Variants in SFMBT2 observed in about 807,000 individuals in gnomAD.
SFMBT2 encodes scm-like with four MBT domains protein 2.
A neutral mutation model predicts 110.1 loss-of-function variants in SFMBT2; 38 were observed. That is an observed-to-expected ratio of 0.35 (90% CI 0.27 to 0.45). The LOEUF (loss-of-function observed/expected upper bound fraction) is 0.45. Ranked by LOEUF, SFMBT2 falls within the 20% of genes least tolerant of loss-of-function variation. SFMBT2 has a pLI of 1.00. For missense variants in SFMBT2, 1,011 were observed against 1,094.9 expected (o/e 0.92, Z 1.08); for synonymous variants, 425 against 425.4 (o/e 1.00, Z 0.01).
chr10:7,170,446 G>A lies in SFMBT2; in HGVS notation c.2544+482C>T, dbSNP rs924664838. Among the ~76,000 whole-genome samples the A allele has an allele frequency of 6.6e-6, 1 of 152,192 alleles. No individual in the cohort carries two copies. The highest frequency in any genetic ancestry group is 2.4e-5 in the African/African-American group (1 of 41,450). ...CCCCACTGAGAGCAGCCAAGGCAGA[G>A]TGTGCTATCCTGACTTCCGGCCTGG... On this transcript the variant is annotated intron_variant, in intron 20 of 20. Coordinates refer to ENST00000397167, the MANE Select transcript of SFMBT2 (RefSeq NM_001387889.1). The surrounding 1 kb of genome is among the most constrained non-coding windows in gnomAD (Gnocchi z 4.6).
chr10:7,375,021 A>G (rs1845162440), intron 2 of SFMBT2, among the ~76,000 whole-genome samples: 2 of 152,230 alleles, frequency 1.3e-5, no homozygotes, highest in Non-Finnish European at 1.5e-5. Context: ...TATCAAGGAA[A>G]TTCTGACAAT....
At position 7,379,414 on chromosome 10, in the gene SFMBT2, C is replaced by T. The variant is rs566727414; in HGVS notation, c.100+2385G>A. On this transcript the variant is annotated intron_variant, in intron 2 of 20. Coordinates refer to ENST00000397167, the MANE Select transcript of SFMBT2 (RefSeq NM_001387889.1). ...AATCATACTTAATAGTTTGAATGCT[C>T]AAAACTAGATTTTAGTAAAAAAAAA... 3.0e-5 allele frequency among the ~76,000 whole-genome samples: 4 copies of T among 134,804 alleles called. No individual in the cohort carries two copies. In the East Asian group the frequency reaches 7.2e-4, roughly 24 times the overall value. 88.4% of individuals were successfully genotyped at this position (134,804 alleles called of 152,430 possible).
intron 7 of SFMBT2, among the ~76,000 whole-genome samples, chr10:7,261,081 A>T (rs1239616351): frequency 6.6e-6 from 1 of 152,110 alleles, no homozygotes; most frequent in East Asian, 1.9e-4. Context: ...TCCTGAACTT[A>T]ACCAGTAAGA....
chr10:7,180,582 C>T (rs1838216040), intron 16 of SFMBT2, among the ~76,000 whole-genome samples: 1 of 152,274 alleles, frequency 6.6e-6, no homozygotes, highest in South Asian at 2.1e-4. Context: ...AGAGCTGCTG[C>T]GGGTGCCTGC....
intron 7 of SFMBT2, among the ~76,000 whole-genome samples, chr10:7,265,904 C>T (rs895098832): frequency 6.6e-5 from 10 of 152,180 alleles, no homozygotes; most frequent in East Asian, 3.9e-4. Flanking sequence ...ACTTGGCTCT[C>T]GCAGAGCCTG....
intron 4 of SFMBT2, among the ~76,000 whole-genome samples, chr10:7,337,360 C>T (rs1202630425): frequency 1.3e-5 from 2 of 152,126 alleles, no homozygotes; most frequent in African/African-American, 4.8e-5. Context: ...GATCTGTGTC[C>T]CCACCCAAAT....
intron 16 of SFMBT2, 41 bp from the exon 17 acceptor site, chr10:7,176,206 A>G (rs776956957): frequency 6.2e-6 from 10 of 1,600,414 alleles, no homozygotes; most frequent in Non-Finnish European, 8.6e-6. Flanking sequence ...GCAAGACCAG[A>G]TTATGATTCA....
chr10:7,326,995 C>T lies in SFMBT2; in HGVS notation c.436+40654G>A, dbSNP rs192488276. Among the ~76,000 whole-genome samples, 9 of 152,178 alleles carry T rather than the reference C, an allele frequency of 5.9e-5. No homozygotes were observed. In the South Asian group the frequency reaches 1.2e-3, roughly 21 times the overall value. On this transcript the variant is annotated intron_variant, in intron 4 of 20. Transcript: ENST00000397167. The stretch of plus-strand genomic sequence containing the variant: ...AAATAAAAGACAAACATAGGGATGT[C>T]GCCATGCCCTGCGGACTACCATGAA...
intron 7 of SFMBT2, among the ~76,000 whole-genome samples, chr10:7,274,805 T>C (rs1020018941): frequency 3.3e-5 from 5 of 151,526 alleles, no homozygotes; most frequent in African/African-American, 9.7e-5. Flanking sequence ...CAGCGAGCTA[T>C]GATCACCCCA....
chr10:7,302,112 G>A (rs1456756558), intron 4 of SFMBT2, among the ~76,000 whole-genome samples: 1 of 152,094 alleles, frequency 6.6e-6, no homozygotes, highest in African/African-American at 2.4e-5. Context: ...TTGATAACTC[G>A]CTTTCCTTTC....
chr10:7,322,036 G>C (rs1478308364), intron 4 of SFMBT2, among the ~76,000 whole-genome samples: 3 of 151,990 alleles, frequency 2.0e-5, no homozygotes, highest in Non-Finnish European at 4.4e-5. Flanking sequence ...TTCACATCAC[G>C]GTACATGATA....
rs376407035 is a variant in SFMBT2 at position 7,338,798 on chromosome 10, G to A, written c.436+28851C>T. 1.1e-3 allele frequency among the ~76,000 whole-genome samples: 174 copies of A among 152,096 alleles called. 1 individual carries two copies. Among genetic ancestry groups the A allele is most frequent in the Admixed American group, 3.7e-3 (56 of 15,268 alleles). ...GTCTGCTCCATCCCCATTCCCCAGC[G>A]GACACATCCTCCCTAAGTCAGTCCT... On this transcript the variant is annotated intron_variant, in intron 4 of 20. Coordinates refer to ENST00000397167, the MANE Select transcript of SFMBT2 (RefSeq NM_001387889.1).
chr10:7,208,932 T>C (rs1351522855), intron 11 of SFMBT2, among the ~76,000 whole-genome samples: 1 of 152,174 alleles, frequency 6.6e-6, no homozygotes, highest in African/African-American at 2.4e-5. Flanking sequence ...TCGGCTACCT[T>C]TCCCTCAAAA....
At chr10:7,180,294 A>ATT (rs1838207174) in intron 16 of SFMBT2, among the ~76,000 whole-genome samples, 1 of 30,786 alleles carries the variant, frequency 3.2e-5, no homozygotes, top group Non-Finnish European at 7.5e-5. Flanking sequence ...CTATAGTGGT[A>ATT]ATTTTTTTTT....
At chr10:7,361,531 A>G (rs1341052803) in intron 4 of SFMBT2, among the ~76,000 whole-genome samples, 2 of 152,226 alleles carry the variant, frequency 1.3e-5, no homozygotes, top group African/African-American at 2.4e-5. Flanking sequence ...CCACATAAAC[A>G]TAAGGCCATC....
intron 7 of SFMBT2, chr10:7,249,171 T>C: frequency 2.1e-6 from 1 of 484,682 alleles, no homozygotes; most frequent in Non-Finnish European, 2.7e-6. Flanking sequence ...CAAGATCCCA[T>C]GATCTTAGAG....
chr10:7,290,261 CAAAA>C (rs200965592), intron 4 of SFMBT2, among the ~76,000 whole-genome samples: 1 of 110,922 alleles, frequency 9.0e-6, no homozygotes. Flanking sequence ...TCATAAGAAA[CAAAA>C]AAAAAAAAAA....
chr10:7,211,172 T>A (rs1402097354), intron 11 of SFMBT2, among the ~76,000 whole-genome samples: 2 of 152,002 alleles, frequency 1.3e-5, no homozygotes, highest in Non-Finnish European at 2.9e-5. Flanking sequence ...ATCTTTTTCC[T>A]TCCTCGTTTT....
intron 4 of SFMBT2, among the ~76,000 whole-genome samples, chr10:7,341,199 G>C (rs1266634861): frequency 6.6e-6 from 1 of 152,166 alleles, no homozygotes; most frequent in Non-Finnish European, 1.5e-5. Context: ...ATCCAAGCTC[G>C]TATCAGGGGC....
Sources: allele counts gnomAD v4.1 joint callset (sites outside exome capture counted in the v4.1 genomes callset), GRCh38; gene constraint gnomAD v4.1.1; non-coding constraint Gnocchi (gnomAD v3.1); transcripts MANE v1.5; gene names NCBI Gene and HGNC (gene_info 2026-07-23, HGNC 2026-07-21).